The following COLQ variants were observed in gnomAD, a reference collection of about 807,000 sequenced individuals.
COLQ encodes collagen like tail subunit of asymmetric acetylcholinesterase.
In COLQ, 48 loss-of-function variants were observed where a neutral mutation model predicts 69.0. The ratio of observed to expected loss-of-function variants is 0.70; its 90% CI spans 0.55 to 0.88. The LOEUF (loss-of-function observed/expected upper bound fraction) is 0.88, where lower values mean the gene tolerates loss of function less well. COLQ is among the 40% of genes least tolerant of loss of function. The pLI is 0.00. For missense variants in COLQ, 618 were observed against 594.6 expected (o/e 1.04, Z -0.41); for synonymous variants, 217 against 211.2 (o/e 1.03, Z -0.24).
At chr3:15,514,292 C>CTTT (rs1317260673) in intron 1 of COLQ, among the ~76,000 whole-genome samples, 2 of 151,986 alleles carry the variant, frequency 1.3e-5, no homozygotes, top group Non-Finnish European at 2.9e-5. Flanking sequence ...AACAGAGGCT[C>CTTT]TTACAGCATG....
chr3:15,521,026 G>A lies in COLQ; in HGVS notation c.106+494C>T, dbSNP rs982250407. On this transcript the variant is annotated intron_variant, in intron 1 of 16. Coordinates refer to ENST00000383788, the MANE Select transcript of COLQ (RefSeq NM_005677.4). ...GCCGCTGTTCACCCCCCACCCCACC[G>A]GCCCCTGCCACCTGCATTTTCCCTT... Among the ~76,000 whole-genome samples the A allele has an allele frequency of 1.5e-4, 23 of 150,632 alleles. 3 individuals carry two copies. Among genetic ancestry groups the A allele is most frequent in the Admixed American group, 1.3e-4 (2 of 15,164 alleles).
At chr3:15,484,400 A>C (rs937465214) in intron 3 of COLQ, among the ~76,000 whole-genome samples, 1 of 152,040 alleles carries the variant, frequency 6.6e-6, no homozygotes, top group South Asian at 2.1e-4. Context: ...CTTGAAAGGC[A>C]GGCTCTTCTT....
intron 3 of COLQ, among the ~76,000 whole-genome samples, 182 bp from the exon 4 acceptor site, chr3:15,479,564 T>C (rs2062440706): frequency 6.6e-6 from 1 of 152,154 alleles, no homozygotes; most frequent in Non-Finnish European, 1.5e-5. Context: ...CTGTTCCTCC[T>C]CTTTAGCTTT....
At chr3:15,477,416 T>C in intron 5 of COLQ, 1 of 567,326 alleles carries the variant, frequency 1.8e-6, no homozygotes, top group South Asian at 2.1e-5. Flanking sequence ...TGGAGGGTGG[T>C]GAGAAAGGGA....
intron 13 of COLQ, 41 bp downstream of exon 13, chr3:15,458,145 C>G (rs2062050552): frequency 6.2e-7 from 1 of 1,611,276 alleles, no homozygotes; most frequent in Non-Finnish European, 8.5e-7. Context: ...GTGAGAGGTC[C>G]TCACGGATAA....
chr3:15,489,734 C>T, intron 1 of COLQ, 97 bp from the exon 2 acceptor site: 1 of 987,434 alleles, frequency 1.0e-6, no homozygotes, highest in Non-Finnish European at 1.6e-6. Context: ...CCACCCCAGA[C>T]TTCCACATCT....
At chr3:15,460,166 T>C (rs2062088887) in intron 12 of COLQ, among the ~76,000 whole-genome samples, 1 of 152,234 alleles carries the variant, frequency 6.6e-6, no homozygotes. Flanking sequence ...AAGGTTGATC[T>C]CCAGTAGAAT....
chr3:15,477,187 C>A lies in COLQ; in HGVS notation c.404G>T (p.Gly135Val). The A allele has an allele frequency of 1.2e-6, 2 of 1,605,380 alleles. No individual in the cohort carries two copies. The highest frequency in any genetic ancestry group is 1.1e-5 in the South Asian group (1 of 89,048). The change falls in exon 6 of 17, where the codon GGC becomes GTC. Residue 135 changes from glycine to valine, a missense_variant. Gly to Val is a moderately radical substitution (Grantham distance 109, BLOSUM62 -3). Coordinates refer to ENST00000383788, the MANE Select transcript of COLQ (RefSeq NM_005677.4). ...AGGCATGCCAGGAACACCTGGGGGG[C>A]CAGGTCTACCCTTCAAAGACCAAGA... ...LGRPGRKGRPGPPGVPGMPGP... is the reference protein window; with the variant it reads ...LGRPGRKGRPVPPGVPGMPGP...
intron 3 of COLQ, 135 bp downstream of exon 3, chr3:15,488,071 G>A: frequency 1.5e-6 from 1 of 673,866 alleles, no homozygotes; most frequent in Non-Finnish European, 2.6e-6. Context: ...AGTGGCTTTG[G>A]AGCAGGAAGT....
chr3:15,496,721 G>A (rs185807754), intron 1 of COLQ, among the ~76,000 whole-genome samples: 1 of 152,308 alleles, frequency 6.6e-6, no homozygotes, highest in Admixed American at 6.5e-5. Flanking sequence ...CCAAATTATG[G>A]GTAATTGTTT....
At position 15,498,941 on chromosome 3, in the gene COLQ, T is replaced by A. The variant is rs566562785; in HGVS notation, c.107-9304A>T. 20 of 1,192,756 alleles carry A rather than the reference T, an allele frequency of 1.7e-5. No individual in the cohort carries two copies. The South Asian group carries it at 3.5e-4, about 21-fold the overall frequency. 73.9% of individuals were successfully genotyped at this position (1,192,756 alleles called of 1,614,324 possible). A position where few individuals can be genotyped will look rare whatever the true frequency, so the allele number is the denominator to read the frequency against. On this transcript the variant is annotated intron_variant, in intron 1 of 16. Transcript: ENST00000383788. Reference sequence around the variant, plus strand: ...GGAAATTGAGAGCAATCAAACAGGCTGCTTTTCATTTGGCTCAAAAACCGA... The same window carrying A: ...GGAAATTGAGAGCAATCAAACAGGCAGCTTTTCATTTGGCTCAAAAACCGA...
intron 1 of COLQ, among the ~76,000 whole-genome samples, chr3:15,500,614 A>C (rs1055291592): frequency 6.6e-6 from 1 of 152,018 alleles, no homozygotes; most frequent in African/African-American, 2.4e-5. Flanking sequence ...ATTTGAACCT[A>C]ATGGTTCAGG....
intron 10 of COLQ, among the ~76,000 whole-genome samples, chr3:15,472,316 T>C (rs1395561034): frequency 6.6e-6 from 1 of 152,256 alleles, no homozygotes; most frequent in Non-Finnish European, 1.5e-5. Flanking sequence ...ATAATTAATC[T>C]ATTCTTTTAA....
At chr3:15,471,298 T>C (rs2062282627) in intron 10 of COLQ, among the ~76,000 whole-genome samples, 1 of 152,246 alleles carries the variant, frequency 6.6e-6, no homozygotes, top group East Asian at 1.9e-4. Context: ...GGAAACAATA[T>C]TCCTGTTTGT....
intron 14 of COLQ, 127 bp downstream of exon 14, chr3:15,456,333 A>C: frequency 7.8e-7 from 1 of 1,288,698 alleles, no homozygotes; most frequent in Middle Eastern, 2.7e-4. Flanking sequence ...GAGGATGCTC[A>C]GCCCTCCCAT....
In COLQ at chr3:15,455,894, C is replaced by T; in HGVS notation, c.1195+5G>A. On this transcript the variant is annotated splice_donor_5th_base_variant and intron_variant, in intron 15 of 16. Transcript: ENST00000383788. Reference sequence around the variant, plus strand: ...TCAGGTCCTCCTGGTCTGGGCCTCACTCACGGATGCAGTCGTCACCCACAT... The same window carrying T: ...TCAGGTCCTCCTGGTCTGGGCCTCATTCACGGATGCAGTCGTCACCCACAT... 6.2e-7 allele frequency: 1 copy of T among 1,614,116 alleles called. No homozygotes were observed. The highest frequency in any genetic ancestry group is 2.2e-5 in the East Asian group (1 of 44,876).
chr3:15,517,414 C>T (rs947640209), intron 1 of COLQ, among the ~76,000 whole-genome samples: 14 of 152,146 alleles, frequency 9.2e-5, no homozygotes, highest in Non-Finnish European at 1.6e-4. Flanking sequence ...AGGAGTGCTG[C>T]GAGAATTACA....
intron 15 of COLQ, among the ~76,000 whole-genome samples, chr3:15,454,837 ATTTTTT>A (rs1312894969): frequency 6.7e-6 from 1 of 149,646 alleles, no homozygotes; most frequent in Non-Finnish European, 1.5e-5. Context: ...TTTAATTTTT[ATTTTTT>A]TTTGTAGAGA....
At position 15,466,347 on chromosome 3, in the gene COLQ, G is replaced by A. The variant is rs749610650; in HGVS notation, c.808C>T (p.Pro270Ser). 9 of 1,613,220 alleles carry A rather than the reference G, an allele frequency of 5.6e-6. No homozygotes were observed. In the South Asian group the frequency reaches 8.8e-5, roughly 16 times the overall value. ...PGRPGPPGPP[P>S]AGQLIMGPKG... is the part of the protein sequence containing the mutation. ...GAAGCAGTGTAGCTCTTACCTGCAG[G>A]TGGGGGGCCTGGGGGCCCCGGACGG... Residue 270 changes from proline (P) to serine (S), a missense_variant, in exon 12 of 17, where the codon CCT becomes TCT. Transcript: ENST00000383788.
Sources: gnomAD v4.1 joint callset for allele counts (sites outside exome capture counted in the v4.1 genomes callset) on GRCh38, gnomAD v4.1.1 for gene constraint, MANE v1.5 for transcripts, NCBI Gene and HGNC (gene_info 2026-07-23, HGNC 2026-07-21) for gene names.